The following RPLP0 variants were observed in gnomAD, a reference collection of about 807,000 sequenced individuals.
RPLP0 encodes the protein ribosomal protein lateral stalk subunit P0, also known as large ribosomal subunit protein uL10.
For synonymous variants in RPLP0, 137 were observed against 153.4 expected, an observed-to-expected ratio of 0.89 and a Z score of 0.79; for missense variants, 276 against 402.9, an observed-to-expected ratio of 0.69 and a Z score of 2.70.
intron 7 of RPLP0, 50 bp from the exon 8 acceptor site, chr12:120,196,984 A>G (rs957429995): frequency 6.2e-7 from 1 of 1,606,780 alleles, no homozygotes; most frequent in Admixed American, 1.7e-5. Flanking sequence ...CTCCTCTATT[A>G]CCCACCACCC....
chr12:120,197,564 T>C (rs1879231022), intron 6 of RPLP0, 102 bp from the exon 7 acceptor site: 1 of 1,400,240 alleles, frequency 7.1e-7, no homozygotes, highest in South Asian at 1.3e-5. Context: ...AATTGCCAGG[T>C]TGGCAGCTCA....
At position 120,198,965 on chromosome 12, in the gene RPLP0, T is replaced by C; in HGVS notation, c.354A>G (p.Pro118=). ...TCTGGGCTGGCACAGTGACTTCACA[T>C]GGGGCAATGGCACCAGCACGGGCAG... is the stretch of plus-strand genomic sequence containing the variant. ...PAAARAGAIA[P]CEVTVPAQNT... is the part of the protein sequence containing the mutation. The change falls in exon 5 of 8, where the codon CCA becomes CCG. Residue 118 remains proline (P), a synonymous_variant. Coordinates refer to ENST00000392514, the MANE Select transcript of RPLP0 (RefSeq NM_001002.4). The surrounding 1 kb of genome is among the most constrained non-coding windows in gnomAD (Gnocchi z 4.1). 1 of 1,614,042 alleles carries C rather than the reference T, an allele frequency of 6.2e-7. No individual in the cohort carries two copies. Among genetic ancestry groups the C allele is most frequent in the Non-Finnish European group, 8.5e-7 (1 of 1,179,956 alleles).
chr12:120,196,895 C>T lies in RPLP0; in HGVS notation c.832G>A (p.Ala278Thr), dbSNP rs1879204065. ...GTGGTGGCAGCAGCCACAGGGGCAG[C>T]AGCCACAAAGGCAGATGGATCAGCC... ...FLADPSAFVAAAPVAAATTAA... is the reference protein window; with the variant it reads ...FLADPSAFVATAPVAAATTAA... Residue 278 changes from alanine to threonine, a missense_variant, in exon 8 of 8, where the codon GCT (alanine) becomes ACT (threonine). Transcript: ENST00000392514. The T allele has an allele frequency of 6.2e-7, 1 of 1,612,864 alleles. No homozygotes were observed. Among genetic ancestry groups the T allele is most frequent in the South Asian group, 1.1e-5 (1 of 90,962 alleles).
Position 120,199,015 on chromosome 12 carries a change from A to C in RPLP0, c.319-15T>G, listed in dbSNP as rs145859622. On this transcript the variant is annotated splice_polypyrimidine_tract_variant and intron_variant, in intron 4 of 7. Coordinates refer to ENST00000392514, the MANE Select transcript of RPLP0 (RefSeq NM_001002.4). ...GCAGCTGGCACCTGACAAAGACAAC[A>C]AACAGTGAGAAAAGCCTCTCCACTC... 1 of 1,613,928 alleles carries C rather than the reference A, an allele frequency of 6.2e-7. No individual in the cohort carries two copies. The highest frequency in any genetic ancestry group is 8.5e-7 in the Non-Finnish European group (1 of 1,179,942).
rs181194598 is a variant in RPLP0 at position 120,198,121 on chromosome 12, G to A, written c.651+433C>T. Among the ~76,000 whole-genome samples the A allele has an allele frequency of 2.6e-4, 39 of 152,288 alleles. No homozygotes were observed. The highest frequency in any genetic ancestry group is 5.2e-4 in the Admixed American group (8 of 15,294). On this transcript the variant is annotated intron_variant, in intron 6 of 7. Coordinates refer to ENST00000392514, the MANE Select transcript of RPLP0 (RefSeq NM_001002.4). This position sits in a 1 kb window ranked among gnomAD's most constrained non-coding sequence, Gnocchi z 4.1. ...AATTCATTAAATCCTTTGGCCAGGC[G>A]TGGTGGCTCATGCCTGTAATCCCAG...
chr12:120,200,761 G>A lies in RPLP0; in HGVS notation c.23C>T (p.Thr8Ile), dbSNP rs1304774035. Residue 8 changes from threonine (T) to isoleucine (I), a missense_variant, in exon 2 of 8, where the codon ACC becomes ATC. Physicochemically the swap from Thr to Ile is moderately conservative, Grantham distance 89. Coordinates refer to ENST00000392514, the MANE Select transcript of RPLP0 (RefSeq NM_001002.4). MPREDRA[T>I]WKSNYFLKII... is the part of the protein sequence containing the mutation. Reference sequence around the variant, plus strand: ...CTTAAGGAAGTAGTTGGACTTCCAGGTCGCCCTGTCTTCCCTGGGCATCAC... The same window carrying A: ...CTTAAGGAAGTAGTTGGACTTCCAGATCGCCCTGTCTTCCCTGGGCATCAC... 1.2e-6 allele frequency: 2 copies of A among 1,611,588 alleles called. No homozygotes were observed. Among genetic ancestry groups the A allele is most frequent in the Non-Finnish European group, 1.7e-6 (2 of 1,179,452 alleles).
chr12:120,198,434 A>AT lies in RPLP0; in HGVS notation c.651+119dup, dbSNP rs1879270744. On this transcript the variant is annotated intron_variant, in intron 6 of 7. Coordinates refer to ENST00000392514, the MANE Select transcript of RPLP0 (RefSeq NM_001002.4). This position sits in a 1 kb window ranked among gnomAD's most constrained non-coding sequence, Gnocchi z 4.1. The stretch of plus-strand genomic sequence containing the variant: ...TCAACAATCTTATGTTGTTACTGAC[A>AT]TTTTACAGATGAGGTAGGTAGACAG... 2 of 1,063,408 alleles carry AT rather than the reference A, an allele frequency of 1.9e-6. No homozygotes were observed. The highest frequency in any genetic ancestry group is 2.8e-6 in the Non-Finnish European group (2 of 720,912). The allele number at this position is 1,063,408 out of a possible 1,614,324, so 65.9% of individuals were successfully genotyped here. A position where few individuals can be genotyped will look rare whatever the true frequency, so the allele number is the denominator to read the frequency against.
Position 120,197,744 on chromosome 12 carries a change from A to G in RPLP0, c.652-282T>C, listed in dbSNP as rs550444546. ...AGTGAAAAGCATAAACGACTAACGT[A>G]GCCATTGAGTTCCATGAACGAAAAA... On this transcript the variant is annotated intron_variant, in intron 6 of 7. Coordinates refer to ENST00000392514, the MANE Select transcript of RPLP0 (RefSeq NM_001002.4). The G allele has an allele frequency of 5.0e-5, 19 of 378,830 alleles. No homozygotes were observed. The South Asian group carries it at 9.1e-4, about 18-fold the overall frequency. The allele number at this position is 378,830 out of a possible 1,614,324, so 23.5% of individuals were successfully genotyped here. A position where few individuals can be genotyped will look rare whatever the true frequency, so the allele number is the denominator to read the frequency against.
In RPLP0 at chr12:120,198,404, AT is replaced by A; in HGVS notation, c.651+149del. ...CTGTCTCCAAAAAAAAAAAAAAAAA[AT>A]CCTTCAACAATCTTATGTTGTTACT... On this transcript the variant is annotated intron_variant, in intron 6 of 7. Transcript: ENST00000392514. The surrounding 1 kb of genome is among the most constrained non-coding windows in gnomAD (Gnocchi z 4.1). 4 of 834,490 alleles carry A rather than the reference AT, an allele frequency of 4.8e-6. No individual in the cohort carries two copies. Among genetic ancestry groups the A allele is most frequent in the Non-Finnish European group, 7.3e-6 (4 of 548,466 alleles). The allele number at this position is 834,490 out of a possible 1,614,324, so 51.7% of individuals were successfully genotyped here.
rs568667835 is a variant in RPLP0 at position 120,201,068 on chromosome 12, A to G, written c.-49+15T>C. ...CGCCGGCGACCCCTGGCGCCCATCT[A>G]ACTAGCACACGAACCTTCCACGAGG... On this transcript the variant is annotated intron_variant, in intron 1 of 7. Transcript: ENST00000392514. 80 of 417,514 alleles carry G rather than the reference A, an allele frequency of 1.9e-4. No individual in the cohort carries two copies. Among genetic ancestry groups the G allele is most frequent in the Non-Finnish European group, 3.1e-4 (72 of 234,216 alleles). The allele number at this position is 417,514 out of a possible 1,614,324, so 25.9% of individuals were successfully genotyped here.
intron 7 of RPLP0, 36 bp downstream of exon 7, chr12:120,197,286 G>A: frequency 6.3e-7 from 1 of 1,592,464 alleles, no homozygotes; most frequent in East Asian, 2.2e-5. Flanking sequence ...ATTTGTCACA[G>A]TCAGGCCCAC....
chr12:120,200,818 T>G lies in RPLP0; in HGVS notation c.-35A>C, dbSNP rs755547521. 1.9e-6 allele frequency: 3 copies of G among 1,604,896 alleles called. No individual in the cohort carries two copies. Among genetic ancestry groups the G allele is most frequent in the Admixed American group, 3.4e-5 (2 of 59,094 alleles). On this transcript the variant is annotated 5_prime_UTR_variant, in exon 2 of 8. Coordinates refer to ENST00000392514, the MANE Select transcript of RPLP0 (RefSeq NM_001002.4). The stretch of plus-strand genomic sequence containing the variant: ...GCGTCAGGGATTGCCACGCAGGGTT[T>G]AAAGACGATGTCACTGAGGAGAGAC...
chr12:120,198,354 C>G lies in RPLP0; in HGVS notation c.651+200G>C. 1.7e-6 allele frequency: 1 copy of G among 584,240 alleles called. No individual in the cohort carries two copies. Among genetic ancestry groups the G allele is most frequent in the Non-Finnish European group, 3.0e-6 (1 of 337,736 alleles). 36.2% of individuals were successfully genotyped at this position (584,240 alleles called of 1,614,324 possible). A position where few individuals can be genotyped will look rare whatever the true frequency, so the allele number is the denominator to read the frequency against. On this transcript the variant is annotated intron_variant, in intron 6 of 7. Coordinates refer to ENST00000392514, the MANE Select transcript of RPLP0 (RefSeq NM_001002.4). This position sits in a 1 kb window ranked among gnomAD's most constrained non-coding sequence, Gnocchi z 4.1. ...AGCCGGGAGATTGTGCCACTGCACT[C>G]CAGCCTGGGCGACACAGCAAGACTC...
At chr12:120,199,710 T>C in intron 2 of RPLP0, 2 of 527,902 alleles carry the variant, frequency 3.8e-6, no homozygotes. Context: ...AAGGAGTTTT[T>C]TCTTTTTTTA....
At chr12:120,200,982 C>T in intron 1 of RPLP0, 101 bp downstream of exon 1, 1 of 881,264 alleles carries the variant, frequency 1.1e-6, no homozygotes, top group South Asian at 1.9e-5. Flanking sequence ...ACCGAGGCCC[C>T]AGGCGGAACA....
Position 120,199,419 on chromosome 12 carries a change from G to C in RPLP0, c.121C>G (p.Gln41Glu), listed in dbSNP as rs761864865. 1 of 1,614,028 alleles carries C rather than the reference G, an allele frequency of 6.2e-7. No individual in the cohort carries two copies. Among genetic ancestry groups the C allele is most frequent in the African/African-American group, 1.3e-5 (1 of 74,910 alleles). Residue 41 changes from glutamine (Q) to glutamate (E), a missense_variant, in exon 3 of 8, where the codon CAG becomes GAG. Physicochemically the swap from Gln to Glu is conservative, Grantham distance 29. Coordinates refer to ENST00000392514, the MANE Select transcript of RPLP0 (RefSeq NM_001002.4). ...CCGCGAAGGGACATGCGGATCTGCT[G>C]CATCTGCTTGGAGCCCACATTGTCT... ...GADNVGSKQMQQIRMSLRGKA... is the reference protein window; with the variant it reads ...GADNVGSKQMEQIRMSLRGKA...
intron 7 of RPLP0, 98 bp from the exon 8 acceptor site, chr12:120,197,032 A>C: frequency 6.4e-7 from 1 of 1,570,064 alleles, no homozygotes; most frequent in Non-Finnish European, 8.7e-7. Flanking sequence ...ACAATATCAA[A>C]GTCCGTGTGA....
Position 120,198,745 on chromosome 12 carries a change from C to A in RPLP0, c.466-6G>T, listed in dbSNP as rs370074305. 6 of 1,613,756 alleles carry A rather than the reference C, an allele frequency of 3.7e-6. No homozygotes were observed. The South Asian group carries it at 6.6e-5, about 18-fold the overall frequency. The stretch of plus-strand genomic sequence containing the variant: ...TTGATCAGCTGCACATCACTCTGAA[C>A]CAGATAATAGTGGGGCAGTAAACAC... On this transcript the variant is annotated splice_region_variant and splice_polypyrimidine_tract_variant and intron_variant, in intron 5 of 7. Transcript: ENST00000392514. The surrounding 1 kb of genome is among the most constrained non-coding windows in gnomAD (Gnocchi z 4.1).
Position 120,198,469 on chromosome 12 carries a change from C to CA in RPLP0, c.651+84dup. On this transcript the variant is annotated intron_variant, in intron 6 of 7. Coordinates refer to ENST00000392514, the MANE Select transcript of RPLP0 (RefSeq NM_001002.4). This position sits in a 1 kb window ranked among gnomAD's most constrained non-coding sequence, Gnocchi z 4.1. ...TGAGGTAGGTAGACAGATGAAAACA[C>CA]AGTCCTTGGTTACAGGGACTCAGTC... The CA allele has an allele frequency of 7.1e-7, 1 of 1,405,106 alleles. No individual in the cohort carries two copies. Among genetic ancestry groups the CA allele is most frequent in the South Asian group, 1.2e-5 (1 of 85,078 alleles). 87.0% of individuals were successfully genotyped at this position (1,405,106 alleles called of 1,614,324 possible). A position where few individuals can be genotyped will look rare whatever the true frequency, so the allele number is the denominator to read the frequency against.
Sources: gnomAD v4.1 joint callset for allele counts (sites outside exome capture counted in the v4.1 genomes callset) on GRCh38, gnomAD v4.1.1 for gene constraint, Gnocchi (gnomAD v3.1) non-coding constraint, MANE v1.5 for transcripts, NCBI Gene and HGNC (gene_info 2026-07-23, HGNC 2026-07-21) for gene names.